The following COL15A1 variants were observed in gnomAD, a reference collection of about 807,000 sequenced individuals.
COL15A1 encodes the protein collagen alpha-1(XV) chain.
A neutral mutation model predicts 165.9 loss-of-function variants in COL15A1; 111 were observed. That is an observed-to-expected ratio of 0.67 (90% confidence interval 0.57 to 0.78). The LOEUF (loss-of-function observed/expected upper bound fraction) is 0.78. Ranked by LOEUF, COL15A1 falls within the 30% of genes least tolerant of loss-of-function variation. The probability of loss-of-function intolerance (pLI) is 0.00; values close to 1 mark genes in which losing one functional copy is unlikely to be tolerated. For missense variants in COL15A1, 1,745 were observed against 1,789.7 expected, an observed-to-expected ratio of 0.98 and a Z score of 0.45; for synonymous variants, 659 against 674.8, an observed-to-expected ratio of 0.98 and a Z score of 0.36.
Position 99,034,586 on chromosome 9 carries a change from T to TAAAAAAAAAA in COL15A1, c.2079+21_2079+30dup, listed in dbSNP as rs60290557. Reference sequence around the variant, plus strand: ...CCTAATGGCTCAGTTGGTGAAAAGGTAAAAAAAAAAAAAAAAAAAAAAAAA... The same window carrying TAAAAAAAAAA: ...CCTAATGGCTCAGTTGGTGAAAAGGTAAAAAAAAAAAAAAAAAAAAAAAAAAAAAAAAAAA... On this transcript the variant is annotated splice_region_variant and intron_variant, in intron 17 of 41. Transcript: ENST00000375001. The TAAAAAAAAAA allele has an allele frequency of 9.3e-6, 10 of 1,074,758 alleles. No homozygotes were observed. The highest frequency in any genetic ancestry group is 5.3e-5 in the Admixed American group (1 of 18,802). The allele number at this position is 1,074,758 out of a possible 1,614,324, so 66.6% of individuals were successfully genotyped here.
intron 2 of COL15A1, among the ~76,000 whole-genome samples, chr9:98,944,505 G>A (rs1055359742): frequency 2.0e-5 from 3 of 152,200 alleles, no homozygotes; most frequent in African/African-American, 4.8e-5. Flanking sequence ...GCTGGGTGCG[G>A]AGCCTCCAAT....
chr9:98,970,554 G>C (rs1001192223), intron 2 of COL15A1, among the ~76,000 whole-genome samples: 1 of 152,208 alleles, frequency 6.6e-6, no homozygotes, highest in Non-Finnish European at 1.5e-5. Context: ...CAACACCCCA[G>C]CTTCCACAGC....
chr9:99,047,889 C>T (rs1321692070), intron 27 of COL15A1, 50 bp downstream of exon 27: 17 of 1,610,236 alleles, frequency 1.1e-5, no homozygotes, highest in Non-Finnish European at 1.4e-5. Context: ...ACACGTGGGC[C>T]AGGCTGGTCT....
chr9:98,958,207 T>C (rs2071719136), intron 2 of COL15A1, among the ~76,000 whole-genome samples: 1 of 152,256 alleles, frequency 6.6e-6, no homozygotes, highest in Non-Finnish European at 1.5e-5. Context: ...GGGCCTCAGT[T>C]TCCCCATCTG....
At chr9:99,059,979 C>A in intron 36 of COL15A1, 26 bp downstream of exon 36, 2 of 1,609,918 alleles carry the variant, frequency 1.2e-6, no homozygotes, top group South Asian at 2.2e-5. Context: ...AGTGTGTAGT[C>A]ATCATTCCAT....
chr9:98,971,485 A>G (rs987388460), intron 2 of COL15A1, among the ~76,000 whole-genome samples: 2 of 151,960 alleles, frequency 1.3e-5, no homozygotes, highest in Non-Finnish European at 2.9e-5. Flanking sequence ...AGAGCTGACA[A>G]CGAAACTCTT....
rs1179843423 is a variant in COL15A1 at position 98,943,916 on chromosome 9, G to A, written c.-146G>A. 10 of 1,049,644 alleles carry A rather than the reference G, an allele frequency of 9.5e-6. No homozygotes were observed. The highest frequency in any genetic ancestry group is 1.3e-5 in the Non-Finnish European group (10 of 782,368). 65.0% of individuals were successfully genotyped at this position (1,049,644 alleles called of 1,614,324 possible). A position where few individuals can be genotyped will look rare whatever the true frequency, so the allele number is the denominator to read the frequency against. On this transcript the variant is annotated 5_prime_UTR_variant, in exon 1 of 42. Coordinates refer to ENST00000375001, the MANE Select transcript of COL15A1 (RefSeq NM_001855.5). ...CGGGCCGGGAGCCGGGATTCTGCCCGCCGCCGCCGCTGCCGAGCGCCGCCT... is the reference window on the plus strand; with the variant it reads ...CGGGCCGGGAGCCGGGATTCTGCCCACCGCCGCCGCTGCCGAGCGCCGCCT...
chr9:98,992,145 C>A (rs567377661), intron 5 of COL15A1, among the ~76,000 whole-genome samples: 1 of 152,258 alleles, frequency 6.6e-6, no homozygotes, highest in Non-Finnish European at 1.5e-5. Context: ...TGGGAACAGC[C>A]GCCGCAGAGC....
At chr9:99,027,976 C>G (rs1048410972) in intron 16 of COL15A1, among the ~76,000 whole-genome samples, 2 of 152,204 alleles carry the variant, frequency 1.3e-5, no homozygotes, top group Admixed American at 1.3e-4. Context: ...ATCATAAGAT[C>G]CAATGATTCG....
intron 6 of COL15A1, 125 bp from the exon 7 acceptor site, chr9:99,000,714 T>TC (rs1297830731): frequency 6.1e-6 from 4 of 652,086 alleles, no homozygotes; most frequent in African/African-American, 1.9e-5. Flanking sequence ...ACTTGTTTTT[T>TC]CCCCCTCTTG....
intron 5 of COL15A1, among the ~76,000 whole-genome samples, chr9:98,991,238 C>T (rs1448387444): frequency 1.6e-5 from 2 of 127,772 alleles, no homozygotes; most frequent in Non-Finnish European, 3.3e-5. Flanking sequence ...CTCAGGCAGC[C>T]TGCTTTTGTT....
At chr9:99,028,892 A>G (rs989809176) in intron 16 of COL15A1, among the ~76,000 whole-genome samples, 3 of 152,234 alleles carry the variant, frequency 2.0e-5, no homozygotes, top group African/African-American at 2.4e-5. Flanking sequence ...GAATTTATCA[A>G]ATAGATTATT....
chr9:98,967,862 T>C (rs1588494693), intron 2 of COL15A1, among the ~76,000 whole-genome samples: 1 of 152,188 alleles, frequency 6.6e-6, no homozygotes, highest in Admixed American at 6.5e-5. Flanking sequence ...CAAACTAGGG[T>C]GTGCATCAGA....
chr9:99,053,280 C>T (rs920914303), intron 31 of COL15A1, among the ~76,000 whole-genome samples: 10 of 152,326 alleles, frequency 6.6e-5, no homozygotes, highest in African/African-American at 2.2e-4. Context: ...GTGGTGGTCT[C>T]CCTGATGATA....
Position 99,035,015 on chromosome 9 carries a change from G to T in COL15A1, c.2081G>T (p.Gly694Val). ...RGPNGSVGEK[G>V]DPGNRGLPGP... ...ATCAGCCTGCCCTCTTTCCTACAGG[G>T]TGACCCTGGCAACAGAGGCTTACCT... Residue 694 changes from glycine (G) to valine (V), a missense_variant and splice_region_variant, in exon 18 of 42, where the codon GGT (glycine) becomes GTT (valine). Coordinates refer to ENST00000375001, the MANE Select transcript of COL15A1 (RefSeq NM_001855.5). The T allele has an allele frequency of 2.5e-6, 4 of 1,613,102 alleles. No homozygotes were observed. Among genetic ancestry groups the T allele is most frequent in the Non-Finnish European group, 3.4e-6 (4 of 1,179,254 alleles).
At chr9:99,030,769 T>C (rs1200092422) in intron 16 of COL15A1, among the ~76,000 whole-genome samples, 1 of 152,252 alleles carries the variant, frequency 6.6e-6, no homozygotes, top group Non-Finnish European at 1.5e-5. Context: ...GAGGCTACTT[T>C]AGTTTCTGTT....
chr9:99,033,255 T>G (rs528063483), intron 16 of COL15A1, among the ~76,000 whole-genome samples: 1 of 152,352 alleles, frequency 6.6e-6, no homozygotes, highest in Admixed American at 6.5e-5. Context: ...GCAGCTGATC[T>G]TCCGCGTGTA....
intron 19 of COL15A1, among the ~76,000 whole-genome samples, chr9:99,035,818 C>T (rs1435004021): frequency 6.6e-6 from 1 of 152,198 alleles, no homozygotes; most frequent in East Asian, 1.9e-4. Flanking sequence ...GCCTCCAGCC[C>T]CTGGCAGGTG....
intron 2 of COL15A1, among the ~76,000 whole-genome samples, chr9:98,978,513 C>T (rs1838180431): frequency 2.0e-5 from 3 of 152,116 alleles, no homozygotes; most frequent in Admixed American, 1.3e-4. Context: ...ATTGGATAAG[C>T]GAAGAAGAAA....
Sources: gnomAD v4.1 joint callset for allele counts (sites outside exome capture counted in the v4.1 genomes callset) on GRCh38, gnomAD v4.1.1 for gene constraint, MANE v1.5 for transcripts, NCBI Gene and HGNC (gene_info 2026-07-23, HGNC 2026-07-21) for gene names.